Variants in PID1 observed in about 807,000 individuals in gnomAD.
PID1 encodes the protein phosphotyrosine interaction domain containing 1.
Under a neutral mutation model 19.1 loss-of-function variants are expected in PID1, and 10 were observed. That is an observed-to-expected ratio of 0.52 (90% CI 0.32 to 0.89). PID1 has a LOEUF of 0.89. PID1 is among the 40% of genes least tolerant of loss of function. PID1 has a pLI of 0.03. For synonymous variants in PID1, 130 were observed against 116.0 expected (o/e 1.12, Z -0.78); for missense variants, 248 against 285.3 (o/e 0.87, Z 0.94).
rs541136997 is a variant in PID1, at chr2:229,083,808, T to C, written c.178-57700A>G. On this transcript the variant is annotated intron_variant, in intron 2 of 2. Coordinates refer to ENST00000392055, the MANE Select transcript of PID1 (RefSeq NM_001100818.2). ...AAAGGCAATTCAGATTATAACACCCTTGGTCACGTGCAATAGCTCAAAACA... is the reference window on the plus strand; with the variant it reads ...AAAGGCAATTCAGATTATAACACCCCTGGTCACGTGCAATAGCTCAAAACA... Among the ~76,000 whole-genome samples, 68 of 152,288 alleles carry C rather than the reference T, an allele frequency of 4.5e-4. 1 individual carries two copies. The South Asian group carries it at 0.013, about 30-fold the overall frequency.
chr2:229,064,465 C>CAGGGAAATG, intron 2 of PID1, among the ~76,000 whole-genome samples: 1 of 152,170 alleles, frequency 6.6e-6, no homozygotes, highest in South Asian at 2.1e-4. Flanking sequence ...GTTTAGGGCA[C>CAGGGAAATG]AGGGAAATGG....
intron 2 of PID1, among the ~76,000 whole-genome samples, chr2:229,101,944 G>A (rs1436358061): frequency 6.6e-6 from 1 of 152,128 alleles, no homozygotes; most frequent in Non-Finnish European, 1.5e-5. Context: ...AGATTAGCCT[G>A]GATTGTCTAG....
intron 1 of PID1, among the ~76,000 whole-genome samples, chr2:229,261,896 CTT>C (rs34477126): frequency 5.1e-4 from 76 of 147,876 alleles, no homozygotes; most frequent in Admixed American, 7.4e-4. Flanking sequence ...ACATGGCTGA[CTT>C]TTTTTTTTTT....
chr2:229,220,370 C>T (rs1204211083), intron 1 of PID1, among the ~76,000 whole-genome samples: 1 of 152,058 alleles, frequency 6.6e-6, no homozygotes, highest in Non-Finnish European at 1.5e-5. Context: ...ACAAACATTG[C>T]TTTTAATTTT....
At chr2:229,091,506 T>C (rs895005291) in intron 2 of PID1, among the ~76,000 whole-genome samples, 4 of 152,104 alleles carry the variant, frequency 2.6e-5, no homozygotes, top group Non-Finnish European at 5.9e-5. Context: ...TGGGGCCTCT[T>C]GGAAAATGGT....
At chr2:229,104,272 G>A (rs775006447) in intron 2 of PID1, among the ~76,000 whole-genome samples, 2 of 152,126 alleles carry the variant, frequency 1.3e-5, no homozygotes, top group Non-Finnish European at 2.9e-5. Flanking sequence ...TCTTTGTGGG[G>A]TAAGTATGAA....
At chr2:229,116,209 A>G (rs1695408833) in intron 2 of PID1, among the ~76,000 whole-genome samples, 1 of 152,214 alleles carries the variant, frequency 6.6e-6, no homozygotes, top group South Asian at 2.1e-4. Flanking sequence ...CCTGGGTGAC[A>G]GAGCGAGACT....
At chr2:229,226,985 T>C (rs1273325937) in intron 1 of PID1, among the ~76,000 whole-genome samples, 1 of 152,204 alleles carries the variant, frequency 6.6e-6, no homozygotes, top group Non-Finnish European at 1.5e-5. Flanking sequence ...GCAATCTCCA[T>C]GCAAAATTTT....
At chr2:229,154,779 C>A (rs1238574042) in intron 2 of PID1, among the ~76,000 whole-genome samples, 2 of 152,188 alleles carry the variant, frequency 1.3e-5, no homozygotes, top group East Asian at 3.8e-4. Context: ...AAAGCACTTT[C>A]CTTGTCTCTG....
chr2:229,139,597 T>C (rs185945172), intron 2 of PID1, among the ~76,000 whole-genome samples: 61 of 152,266 alleles, frequency 4.0e-4, no homozygotes, highest in African/African-American at 1.3e-3. Flanking sequence ...CACTTTTCCT[T>C]TCTACAAAGA....
chr2:229,173,624 A>G (rs1354696447), intron 1 of PID1, among the ~76,000 whole-genome samples: 1 of 152,146 alleles, frequency 6.6e-6, no homozygotes, highest in Admixed American at 6.5e-5. Flanking sequence ...AGGGACACTG[A>G]CATTGAGAAA....
At chr2:229,175,108 C>G (rs532010081) in intron 1 of PID1, among the ~76,000 whole-genome samples, 1 of 152,330 alleles carries the variant, frequency 6.6e-6, no homozygotes, top group East Asian at 1.9e-4. Flanking sequence ...GCCGTTCCTG[C>G]TGGCCCACAT....
At chr2:229,119,152 C>T (rs1404323249) in intron 2 of PID1, among the ~76,000 whole-genome samples, 2 of 152,178 alleles carry the variant, frequency 1.3e-5, no homozygotes, top group African/African-American at 4.8e-5. Flanking sequence ...AATGAAACTA[C>T]TGTAAAAATG....
chr2:229,049,343 T>G (rs1693944807), intron 2 of PID1, among the ~76,000 whole-genome samples: 2 of 152,204 alleles, frequency 1.3e-5, no homozygotes, highest in African/African-American at 2.4e-5. Context: ...TGACCCTCTT[T>G]GTTTCCACAG....
intron 2 of PID1, among the ~76,000 whole-genome samples, chr2:229,101,395 A>G (rs1695070803): frequency 6.6e-6 from 1 of 152,106 alleles, no homozygotes; most frequent in Non-Finnish European, 1.5e-5. Context: ...ACCTTGAAAA[A>G]CCACTCTGCC....
At position 229,079,548 on chromosome 2, in the gene PID1, T is replaced by C. The variant is rs554239040; in HGVS notation, c.178-53440A>G. Among the ~76,000 whole-genome samples the C allele has an allele frequency of 1.1e-4, 17 of 152,344 alleles. 1 individual carries two copies. In the South Asian group the frequency reaches 2.1e-3, roughly 19 times the overall value. ...TGGTTTCTACAATTTGTTTCCCCAG[T>C]TCTCCACTGAGGCATGAGCCACTAT... On this transcript the variant is annotated intron_variant, in intron 2 of 2. Coordinates refer to ENST00000392055, the MANE Select transcript of PID1 (RefSeq NM_001100818.2).
intron 1 of PID1, among the ~76,000 whole-genome samples, chr2:229,160,370 A>C (rs1464048476): frequency 6.9e-6 from 1 of 145,638 alleles, no homozygotes; most frequent in Admixed American, 6.8e-5. Flanking sequence ...AAAAAGAAAA[A>C]AGAAAAGCTA....
chr2:229,152,659 A>G (rs1282020471), intron 2 of PID1, among the ~76,000 whole-genome samples: 3 of 98,362 alleles, frequency 3.0e-5, no homozygotes, highest in African/African-American at 9.5e-5. Context: ...TCTACTCCAG[A>G]AAAAAAAAAA....
chr2:229,115,803 T>C (rs1048000556), intron 2 of PID1, among the ~76,000 whole-genome samples: 1 of 152,188 alleles, frequency 6.6e-6, no homozygotes, highest in East Asian at 1.9e-4. Flanking sequence ...ACAGAAACAG[T>C]ATTGACTTCA....
Sources: allele counts gnomAD v4.1 joint callset (sites outside exome capture counted in the v4.1 genomes callset), GRCh38; gene constraint gnomAD v4.1.1; transcripts MANE v1.5; gene names NCBI Gene and HGNC (gene_info 2026-07-23, HGNC 2026-07-21).